The following RNF213 variants were observed in gnomAD, a reference collection of about 807,000 sequenced individuals.
The protein encoded by RNF213 is E3 ubiquitin-protein ligase RNF213.
A neutral mutation model predicts 514.4 loss-of-function variants in RNF213; 341 were observed. The ratio of observed to expected loss-of-function variants is 0.66; its 90% confidence interval spans 0.61 to 0.73. The LOEUF (loss-of-function observed/expected upper bound fraction) is 0.73, where lower values mean the gene tolerates loss of function less well. Among genes scored for constraint, RNF213 ranks in the 30% least tolerant of loss-of-function variants. RNF213 has a pLI of 0.00. For missense variants in RNF213, 5,767 were observed against 6,615.6 expected (o/e 0.87, Z 4.45); for synonymous variants, 2,655 against 2,658.2 (o/e 1.00, Z 0.04).
intron 63 of RNF213, among the ~76,000 whole-genome samples, chr17:80,387,838 T>G (rs1405792391): frequency 6.6e-6 from 1 of 152,208 alleles, no homozygotes; most frequent in Non-Finnish European, 1.5e-5. Flanking sequence ...CAGCAGGCAC[T>G]TTCCCATCTC....
intron 61 of RNF213, 127 bp from the exon 62 acceptor site, chr17:80,386,123 G>A (rs113247758): frequency 1.2e-6 from 1 of 863,176 alleles, no homozygotes; most frequent in Non-Finnish European, 1.9e-6. Context: ...TATGAGATGG[G>A]GCAGAACCGA....
At chr17:80,379,857 A>C in intron 55 of RNF213, 143 bp downstream of exon 55, 1 of 736,694 alleles carries the variant, frequency 1.4e-6, no homozygotes, top group South Asian at 1.5e-5. Context: ...TAGCAATGCC[A>C]AAGTCCCAGC....
At position 80,361,813 on chromosome 17, in the gene RNF213, G is replaced by T. The variant is rs576356118; in HGVS notation, c.11280G>T (p.Gln3760His). 3.1e-6 allele frequency: 5 copies of T among 1,614,132 alleles called. No individual in the cohort carries two copies. The South Asian group carries it at 4.4e-5, about 14-fold the overall frequency. Residue 3760 changes from glutamine to histidine, a missense_variant, in exon 39 of 68, where the codon CAG (glutamine) becomes CAT (histidine). Gln to His is a conservative substitution (Grantham distance 24, BLOSUM62 0). Coordinates refer to ENST00000582970, the MANE Select transcript of RNF213 (RefSeq NM_001256071.3). ...RFLAQLHGEPQQELLQCYLKD... is the reference protein window; with the variant it reads ...RFLAQLHGEPHQELLQCYLKD... ...TTGCCCAGCTCCATGGAGAGCCGCA[G>T]CAGGAACTTCTTCAGTGTTACTTGA...
intron 1 of RNF213, among the ~76,000 whole-genome samples, chr17:80,261,974 C>G (rs1051225169): frequency 2.0e-5 from 3 of 152,122 alleles, no homozygotes; most frequent in African/African-American, 4.8e-5. Context: ...CTGAGATTGC[C>G]CACTGTACTC....
At chr17:80,270,553 C>T (rs1356574783) in intron 2 of RNF213, among the ~76,000 whole-genome samples, 2 of 152,172 alleles carry the variant, frequency 1.3e-5, no homozygotes, top group East Asian at 1.9e-4. Flanking sequence ...CTGTGCCGGT[C>T]GTTGGGTGGA....
Position 80,339,345 on chromosome 17 carries a change from G to A in RNF213, c.4978G>A (p.Val1660Met). Reference protein sequence around the residue: ...SLQMDFGLDLVTELKEGGDVT... With the variant: ...SLQMDFGLDLMTELKEGGDVT... ...CCAAATGGACTTTGGCTTGGACCTG[G>A]TGACGGAGCTTAAAGAAGGTGGAGA... Residue 1660 changes from valine to methionine, a missense_variant, in exon 26 of 68, where the codon GTG becomes ATG. Physicochemically the swap from Val to Met is conservative, Grantham distance 21 (BLOSUM62 1). This residue lies in a region of RNF213 where 1,377 missense variants were observed against 1,635.2 expected (regional missense o/e 0.84). Coordinates refer to ENST00000582970, the MANE Select transcript of RNF213 (RefSeq NM_001256071.3). 6.5e-7 allele frequency: 1 copy of A among 1,537,270 alleles called. No homozygotes were observed. Among genetic ancestry groups the A allele is most frequent in the Non-Finnish European group, 8.7e-7 (1 of 1,146,930 alleles).
intron 15 of RNF213, among the ~76,000 whole-genome samples, chr17:80,316,908 A>G (rs1212386286): frequency 6.6e-6 from 1 of 152,240 alleles, no homozygotes; most frequent in Non-Finnish European, 1.5e-5. Context: ...TTTTCAAAGT[A>G]TAACATGAGA....
chr17:80,358,453 C>T lies in RNF213; in HGVS notation c.11028C>T (p.Asn3676=), dbSNP rs373602881. The T allele has an allele frequency of 6.2e-7, 1 of 1,614,092 alleles. No homozygotes were observed. The highest frequency in any genetic ancestry group is 1.7e-5 in the Admixed American group (1 of 60,026). Residue 3676 remains asparagine (N), a synonymous_variant, in exon 37 of 68, where the codon AAC becomes AAT. Transcript: ENST00000582970. ...TTTTCAGTGACACGATGCTTCTGAACATTCCTCTTGTGATGAATAATGAAA... is the reference window on the plus strand; with the variant it reads ...TTTTCAGTGACACGATGCTTCTGAATATTCCTCTTGTGATGAATAATGAAA... ...MFIFSDTMLL[N]IPLVMNNERH... is the part of the protein sequence containing the mutation.
At chr17:80,322,003 C>T (rs541641720) in intron 17 of RNF213, among the ~76,000 whole-genome samples, 35 of 152,246 alleles carry the variant, frequency 2.3e-4, no homozygotes, top group South Asian at 8.3e-4. Context: ...GGATTACAGG[C>T]GTGAGCCACT....
intron 38 of RNF213, 104 bp downstream of exon 38, chr17:80,360,310 G>A (rs917531425): frequency 3.0e-6 from 4 of 1,338,434 alleles, no homozygotes; most frequent in Non-Finnish European, 4.2e-6. Flanking sequence ...GGTGAATTTT[G>A]GAGTTTTTAG....
chr17:80,290,472 C>T (rs1253000353), intron 6 of RNF213, 98 bp from the exon 7 acceptor site: 37 of 1,433,446 alleles, frequency 2.6e-5, no homozygotes, highest in South Asian at 1.8e-4. Context: ...TGTGTGTGCA[C>T]GTGTGTGTGC....
intron 11 of RNF213, among the ~76,000 whole-genome samples, chr17:80,300,618 A>G (rs1422617496): frequency 6.6e-6 from 1 of 151,802 alleles, no homozygotes; most frequent in East Asian, 1.9e-4. Context: ...CAGTGGCACA[A>G]TCTCAGCTCA....
chr17:80,389,971 C>T, intron 66 of RNF213, 41 bp from the exon 67 acceptor site: 4 of 1,613,958 alleles, frequency 2.5e-6, no homozygotes, highest in Middle Eastern at 1.6e-4. Flanking sequence ...TCCCTTCTCC[C>T]TGCAGGCTTT....
chr17:80,298,519 G>A lies in RNF213; in HGVS notation c.2210+1G>A, dbSNP rs554760630. On this transcript the variant is annotated splice_donor_variant, in intron 11 of 67. Transcript: ENST00000582970. LOFTEE classifies it high-confidence loss of function. The stretch of plus-strand genomic sequence containing the variant: ...CGTTCCGGGAACAAATGCTAGATAC[G>A]TAAGTCGTAGAGTTGTGCTTATCTA... 3 of 1,614,154 alleles carry A rather than the reference G, an allele frequency of 1.9e-6. No individual in the cohort carries two copies. The highest frequency in any genetic ancestry group is 2.2e-5 in the South Asian group (2 of 91,084).
intron 2 of RNF213, among the ~76,000 whole-genome samples, chr17:80,267,924 A>G (rs1043462335): frequency 6.6e-6 from 1 of 151,616 alleles, no homozygotes; most frequent in Non-Finnish European, 1.5e-5. Context: ...GGTTCAAGCA[A>G]TTCTCCTGCC....
chr17:80,289,586 G>C, intron 5 of RNF213, 73 bp from the exon 6 acceptor site: 2 of 1,428,186 alleles, frequency 1.4e-6, no homozygotes, highest in Non-Finnish European at 1.9e-6. Flanking sequence ...GCGAGACTCT[G>C]TCTCAGAAAA....
At position 80,347,161 on chromosome 17, in the gene RNF213, G is replaced by C. The variant is rs565940303; in HGVS notation, c.8826G>C (p.Val2942=). 15 of 1,613,890 alleles carry C rather than the reference G, an allele frequency of 9.3e-6. No homozygotes were observed. In the Admixed American group the frequency reaches 1.2e-4, roughly 13 times the overall value. The part of the protein sequence containing the change: ...FASFAKAYET[V]CKRQDKEFFG... The stretch of plus-strand genomic sequence containing the variant: ...CCTTTGCCAAAGCCTACGAAACGGT[G>C]TGTAAGCGCCAGGACAAGGAATTCT... The change falls in exon 29 of 68, where the codon GTG becomes GTC. Residue 2942 remains valine, a synonymous_variant. Coordinates refer to ENST00000582970, the MANE Select transcript of RNF213 (RefSeq NM_001256071.3). This position sits in a 1 kb window ranked among gnomAD's most constrained non-coding sequence, Gnocchi z 7.2.
chr17:80,295,025 G>T (rs200178604), intron 9 of RNF213, 22 bp downstream of exon 9: 279 of 1,613,732 alleles, frequency 1.7e-4, no homozygotes, highest in Middle Eastern at 6.7e-4. Context: ...GCCACCAGCT[G>T]CTCTACCTGC....
At chr17:80,357,135 T>C (rs1054024868) in intron 36 of RNF213, among the ~76,000 whole-genome samples, 2 of 152,162 alleles carry the variant, frequency 1.3e-5, no homozygotes, top group South Asian at 4.1e-4. Flanking sequence ...CAGGCTGGTC[T>C]CGAACTCCTG....
Sources: gnomAD v4.1 joint callset for allele counts (sites outside exome capture counted in the v4.1 genomes callset) on GRCh38, gnomAD v4.1.1 for gene constraint, gnomAD v4.1.1 regional missense constraint, Gnocchi (gnomAD v3.1) non-coding constraint, MANE v1.5 for transcripts, NCBI Gene and HGNC (gene_info 2026-07-23, HGNC 2026-07-21) for gene names.